Variants in MRE11 observed in about 807,000 individuals in gnomAD.
MRE11 encodes double-strand break repair protein MRE11.
A neutral mutation model predicts 91.7 loss-of-function variants in MRE11; 62 were observed. The ratio of observed to expected loss-of-function variants is 0.68; its 90% CI spans 0.55 to 0.84. MRE11 has a LOEUF of 0.84. Among genes scored for constraint, MRE11 ranks in the 40% least tolerant of loss-of-function variants. MRE11 has a pLI of 0.00. For synonymous variants in MRE11, 273 were observed against 271.4 expected (o/e 1.01, Z -0.06); for missense variants, 796 against 852.9 (o/e 0.93, Z 0.83).
chr11:94,461,043 A>C lies in MRE11; in HGVS notation c.1226-7T>G, dbSNP rs773736503. The C allele has an allele frequency of 6.2e-7, 1 of 1,603,916 alleles. No homozygotes were observed. The highest frequency in any genetic ancestry group is 8.5e-7 in the Non-Finnish European group (1 of 1,172,288). ...CCAAAGTTGATCTCTTCTCCTAGAAAAAAAGAAGTATATCAAAAAATAGCT... is the reference window on the plus strand; with the variant it reads ...CCAAAGTTGATCTCTTCTCCTAGAACAAAAGAAGTATATCAAAAAATAGCT... On this transcript the variant is annotated splice_polypyrimidine_tract_variant and splice_region_variant and intron_variant, in intron 11 of 19. Coordinates refer to ENST00000323929, the MANE Select transcript of MRE11 (RefSeq NM_005591.4).
chr11:94,443,850 A>T (rs948949610), intron 16 of MRE11, among the ~76,000 whole-genome samples: 14 of 152,150 alleles, frequency 9.2e-5, no homozygotes, highest in African/African-American at 3.4e-4. Context: ...ACACGATAGA[A>T]CATAATCTAC....
intron 16 of MRE11, among the ~76,000 whole-genome samples, chr11:94,438,361 T>C (rs1945681861): frequency 6.6e-6 from 1 of 152,210 alleles, no homozygotes; most frequent in South Asian, 2.1e-4. Context: ...CCTAAATTTA[T>C]TGTGTTTGCA....
rs553324663 is a variant in MRE11 at position 94,469,386 on chromosome 11, G to A, written c.1017+1085C>T. ...GCACAGAACTGCCTCCCACAACAAA[G>A]AATTATTAGTACAAAATGTCAACTA... On this transcript the variant is annotated intron_variant, in intron 9 of 19. Transcript: ENST00000323929. Among the ~76,000 whole-genome samples, 21 of 152,196 alleles carry A rather than the reference G, an allele frequency of 1.4e-4. No homozygotes were observed. The East Asian group carries it at 4.0e-3, about 29-fold the overall frequency.
intron 7 of MRE11, chr11:94,472,960 G>A (rs1247741316): frequency 1.3e-5 from 2 of 152,022 alleles, no homozygotes; most frequent in African/African-American, 2.4e-5. Flanking sequence ...GAAAAATAAA[G>A]GGAAAAGTGA....
chr11:94,458,760 G>T (rs1381046199), intron 13 of MRE11, among the ~76,000 whole-genome samples: 1 of 151,966 alleles, frequency 6.6e-6, no homozygotes, highest in Non-Finnish European at 1.5e-5. Flanking sequence ...GAGTTTCTTT[G>T]ATTATCCTAG....
intron 6 of MRE11, among the ~76,000 whole-genome samples, chr11:94,478,226 C>A (rs568487738): frequency 6.6e-6 from 1 of 152,064 alleles, no homozygotes; most frequent in Admixed American, 6.6e-5. Flanking sequence ...AGATATGATC[C>A]CTAATAACAC....
intron 10 of MRE11, among the ~76,000 whole-genome samples, chr11:94,465,017 T>A (rs1946523491): frequency 6.6e-6 from 1 of 152,202 alleles, no homozygotes; most frequent in Non-Finnish European, 1.5e-5. Flanking sequence ...TTGTGTATCA[T>A]GTCTCTCTTT....
chr11:94,450,435 C>T (rs1360399058), intron 14 of MRE11, among the ~76,000 whole-genome samples: 3 of 152,086 alleles, frequency 2.0e-5, no homozygotes, highest in Non-Finnish European at 4.4e-5. Context: ...GAATTCTATA[C>T]ACTGAAAATT....
At chr11:94,441,534 C>T (rs1945778194) in intron 16 of MRE11, among the ~76,000 whole-genome samples, 1 of 152,124 alleles carries the variant, frequency 6.6e-6, no homozygotes, top group African/African-American at 2.4e-5. Flanking sequence ...AAACAGACAA[C>T]AGAAAGAGGC....
chr11:94,423,256 G>C lies in MRE11; in HGVS notation c.2071-3075C>G, dbSNP rs565025991. ...AATGCCAGGGCTGGTTCTTGGCCTTGAAAGGCTCCTAGAAAGGGGTGAGTG... is the reference window on the plus strand; with the variant it reads ...AATGCCAGGGCTGGTTCTTGGCCTTCAAAGGCTCCTAGAAAGGGGTGAGTG... On this transcript the variant is annotated intron_variant, in intron 19 of 19. Coordinates refer to ENST00000323929, the MANE Select transcript of MRE11 (RefSeq NM_005591.4). 3.5e-4 allele frequency among the ~76,000 whole-genome samples: 54 copies of C among 152,268 alleles called. No individual in the cohort carries two copies. In the South Asian group the frequency reaches 0.011, roughly 32 times the overall value.
At chr11:94,504,596 A>G in the MRE11 span, among the ~76,000 whole-genome samples, 2 of 152,192 alleles carry the variant, frequency 1.3e-5, no homozygotes, top group African/African-American at 2.4e-5. Flanking sequence ...TTAAATCAGG[A>G]CTGTTAGAAC....
At chr11:94,445,169 A>T (rs566772362) in intron 16 of MRE11, among the ~76,000 whole-genome samples, 14 of 152,250 alleles carry the variant, frequency 9.2e-5, no homozygotes, top group African/African-American at 3.4e-4. Context: ...GGAAGCAAGG[A>T]AACAGTAGAG....
chr11:94,469,450 G>C (rs1433258408), intron 9 of MRE11, among the ~76,000 whole-genome samples: 1 of 152,088 alleles, frequency 6.6e-6, no homozygotes, highest in East Asian at 1.9e-4. Context: ...TCCAGGGAAG[G>C]GCACATGACT....
chr11:94,417,975 C>T lies in MRE11; in HGVS notation c.*2150G>A, dbSNP rs1478573350. ...TTCTTTGGTAAGTAACAGAAGAATT[C>T]CCTACAGATGTCTTCCTCTGAATGT... On this transcript the variant is annotated 3_prime_UTR_variant, in exon 20 of 20. Transcript: ENST00000323929. The T allele has an allele frequency of 4.3e-6, 1 of 232,882 alleles. No homozygotes were observed. The highest frequency in any genetic ancestry group is 6.1e-5 in the East Asian group (1 of 16,520). 14.4% of individuals were successfully genotyped at this position (232,882 alleles called of 1,614,324 possible). A position where few individuals can be genotyped will look rare whatever the true frequency, so the allele number is the denominator to read the frequency against.
intron 19 of MRE11, among the ~76,000 whole-genome samples, chr11:94,425,474 G>C (rs1248605492): frequency 6.6e-6 from 1 of 152,080 alleles, no homozygotes; most frequent in East Asian, 1.9e-4. Flanking sequence ...ACAATACGAT[G>C]GCAGGATCGA....
intron 18 of MRE11, among the ~76,000 whole-genome samples, chr11:94,430,565 C>T (rs546434130): frequency 6.6e-6 from 1 of 151,832 alleles, no homozygotes; most frequent in Admixed American, 6.6e-5. Flanking sequence ...ACTGCAACCT[C>T]CACCTCCCAG....
At chr11:94,487,974 A>T (rs1485625378) in intron 3 of MRE11, among the ~76,000 whole-genome samples, 1 of 152,242 alleles carries the variant, frequency 6.6e-6, no homozygotes, top group African/African-American at 2.4e-5. Context: ...TTTAGATTCA[A>T]TAATAAGAAA....
chr11:94,478,634 T>C lies in MRE11; in HGVS notation c.544+101A>G, dbSNP rs893602083. The C allele has an allele frequency of 8.8e-6, 12 of 1,363,792 alleles. No homozygotes were observed. The Admixed American group carries it at 2.2e-4, about 25-fold the overall frequency. The allele number at this position is 1,363,792 out of a possible 1,614,324, so 84.5% of individuals were successfully genotyped here. On this transcript the variant is annotated intron_variant, in intron 6 of 19. Transcript: ENST00000323929. ...TTATAGTCACCAATAAAGAATAAGGTTTGCCCCATTTTTTCCAAACAGATA... is the reference window on the plus strand; with the variant it reads ...TTATAGTCACCAATAAAGAATAAGGCTTGCCCCATTTTTTCCAAACAGATA...
intron 3 of MRE11, among the ~76,000 whole-genome samples, chr11:94,486,809 A>T (rs371464780): frequency 9.9e-5 from 15 of 152,172 alleles, no homozygotes; most frequent in African/African-American, 3.6e-4. Flanking sequence ...AGGAAAGATA[A>T]ATGATTGTGA....
Sources: gnomAD v4.1 joint callset for allele counts (sites outside exome capture counted in the v4.1 genomes callset) on GRCh38, gnomAD v4.1.1 for gene constraint, MANE v1.5 for transcripts, NCBI Gene and HGNC (gene_info 2026-07-23, HGNC 2026-07-21) for gene names.